KIF13A: variants seen among roughly 807,000 people sequenced by gnomAD.
The protein encoded by KIF13A is kinesin-like protein KIF13A.
A neutral mutation model predicts 212.2 loss-of-function variants in KIF13A; 79 were observed. The ratio of observed to expected loss-of-function variants is 0.37; its 90% CI spans 0.31 to 0.45. KIF13A has a LOEUF of 0.45. KIF13A is among the 20% of genes least tolerant of loss of function. KIF13A has a pLI of 1.00. For missense variants in KIF13A, 1,901 were observed against 2,209.0 expected, an observed-to-expected ratio of 0.86 and a Z score of 2.79; for synonymous variants, 789 against 808.6, an observed-to-expected ratio of 0.98 and a Z score of 0.41.
chr6:17,987,249 G>A lies in KIF13A; in HGVS notation c.56-105C>T, dbSNP rs1249624711. 15 of 958,910 alleles carry A rather than the reference G, an allele frequency of 1.6e-5. No homozygotes were observed. Among genetic ancestry groups the A allele is most frequent in the Non-Finnish European group, 1.9e-5 (14 of 726,654 alleles). 59.4% of individuals were successfully genotyped at this position (958,910 alleles called of 1,614,324 possible). Reference sequence around the variant, plus strand: ...GGGCTCCGTCCCTGGAGGCGGCCGAGCCTGGAGACGGCGCCCCGGGCACCA... The same window carrying A: ...GGGCTCCGTCCCTGGAGGCGGCCGAACCTGGAGACGGCGCCCCGGGCACCA... On this transcript the variant is annotated intron_variant, in intron 1 of 38. Transcript: ENST00000259711. This position sits in a 1 kb window ranked among gnomAD's most constrained non-coding sequence, Gnocchi z 7.7.
At chr6:17,893,933 G>A (rs1168557385) in intron 3 of KIF13A, among the ~76,000 whole-genome samples, 3 of 146,440 alleles carry the variant, frequency 2.0e-5, no homozygotes, top group Non-Finnish European at 3.0e-5. Flanking sequence ...TCTGCTTCCC[G>A]GGTTCAAGTG....
At position 17,892,764 on chromosome 6, in the gene KIF13A, A is replaced by G. The variant is rs1772180521; in HGVS notation, c.159+5404T>C. ...TCTGGGTTGCTGAACACAAGAAGGT[A>G]CTGGAAGGGCAGTACACACAGAAAG... On this transcript the variant is annotated intron_variant, in intron 3 of 38. Transcript: ENST00000259711. This position sits in a 1 kb window ranked among gnomAD's most constrained non-coding sequence, Gnocchi z 4.7. Among the ~76,000 whole-genome samples the G allele has an allele frequency of 6.6e-6, 1 of 152,208 alleles. No homozygotes were observed. Among genetic ancestry groups the G allele is most frequent in the African/African-American group, 2.4e-5 (1 of 41,446 alleles).
Position 17,886,439 on chromosome 6 carries a change from G to C in KIF13A, c.159+11729C>G, listed in dbSNP as rs989288792. Reference sequence around the variant, plus strand: ...ACTGATGAAGAGTTCACACTGCTGCGGCTGACTCGGGCCAAGTGGGAGCCA... The same window carrying C: ...ACTGATGAAGAGTTCACACTGCTGCCGCTGACTCGGGCCAAGTGGGAGCCA... On this transcript the variant is annotated intron_variant, in intron 3 of 38. Transcript: ENST00000259711. The surrounding 1 kb of genome is among the most constrained non-coding windows in gnomAD (Gnocchi z 5.6). 6.6e-6 allele frequency among the ~76,000 whole-genome samples: 1 copy of C among 152,182 alleles called. No individual in the cohort carries two copies. The highest frequency in any genetic ancestry group is 2.4e-5 in the African/African-American group (1 of 41,436).
intron 6 of KIF13A, among the ~76,000 whole-genome samples, chr6:17,852,508 C>T (rs1767752479): frequency 6.6e-6 from 1 of 152,196 alleles, no homozygotes; most frequent in Non-Finnish European, 1.5e-5. Flanking sequence ...TAGCCTCAAC[C>T]TCCCGCCCAG....
chr6:17,909,136 C>A (rs1454540058), intron 2 of KIF13A, among the ~76,000 whole-genome samples: 1 of 152,240 alleles, frequency 6.6e-6, no homozygotes, highest in Non-Finnish European at 1.5e-5. Flanking sequence ...CTCAATTATA[C>A]ACGCAAAATG....
chr6:17,859,642 T>C (rs372010866), intron 4 of KIF13A, among the ~76,000 whole-genome samples: 1 of 123,298 alleles, frequency 8.1e-6, no homozygotes, highest in East Asian at 2.0e-4. Context: ...ATATATATTT[T>C]TTTTTTTTTT....
At chr6:17,945,356 G>A (rs1336124115) in intron 2 of KIF13A, among the ~76,000 whole-genome samples, 1 of 152,162 alleles carries the variant, frequency 6.6e-6, no homozygotes, top group East Asian at 1.9e-4. Flanking sequence ...AGCCCTTGGG[G>A]ATGTTAGTAA....
intron 16 of KIF13A, among the ~76,000 whole-genome samples, chr6:17,817,663 G>A (rs1764070835): frequency 6.6e-6 from 1 of 152,124 alleles, no homozygotes; most frequent in Non-Finnish European, 1.5e-5. Context: ...TTTAATATCA[G>A]TTTTGGTATA....
chr6:17,821,998 T>G, intron 16 of KIF13A: 1 of 1,368,746 alleles, frequency 7.3e-7, no homozygotes, highest in Non-Finnish European at 9.8e-7. Context: ...AAAGGGAAGC[T>G]CCACTGGAAC....
Position 17,786,796 on chromosome 6 carries a change from G to A in KIF13A, c.3361+980C>T, listed in dbSNP as rs934353155. Among the ~76,000 whole-genome samples, 14 of 152,172 alleles carry A rather than the reference G, an allele frequency of 9.2e-5. No homozygotes were observed. Among genetic ancestry groups the A allele is most frequent in the Non-Finnish European group, 1.6e-4 (11 of 68,002 alleles). ...AGCAGCCTGAGCACACACACAAGGCGACATCACATGTTGAGCCAAGGTGTT... is the reference window on the plus strand; with the variant it reads ...AGCAGCCTGAGCACACACACAAGGCAACATCACATGTTGAGCCAAGGTGTT... On this transcript the variant is annotated intron_variant, in intron 27 of 38. Coordinates refer to ENST00000259711, the MANE Select transcript of KIF13A (RefSeq NM_022113.6). This position sits in a 1 kb window ranked among gnomAD's most constrained non-coding sequence, Gnocchi z 5.4.
chr6:17,825,137 T>C lies in KIF13A; in HGVS notation c.1786+631A>G, dbSNP rs928218908. ...ATAAAACAGCAAAAAAGGAAAGAAT[T>C]TGGTGTCTATTTTATTTAATGCAGG... On this transcript the variant is annotated intron_variant, in intron 16 of 38. Coordinates refer to ENST00000259711, the MANE Select transcript of KIF13A (RefSeq NM_022113.6). The surrounding 1 kb of genome is among the most constrained non-coding windows in gnomAD (Gnocchi z 4.5). Among the ~76,000 whole-genome samples the C allele has an allele frequency of 2.9e-4, 44 of 152,072 alleles. No individual in the cohort carries two copies. The highest frequency in any genetic ancestry group is 9.9e-4 in the African/African-American group (41 of 41,410).
In KIF13A at chr6:17,882,845, C is replaced by T. The variant is rs749568132; in HGVS notation, c.160-9408G>A. ...CCAAAGTGCTGGGATTAAAGGCGTGCGGCACGGCACCCGGCCTGCTTATAA... is the reference window on the plus strand; with the variant it reads ...CCAAAGTGCTGGGATTAAAGGCGTGTGGCACGGCACCCGGCCTGCTTATAA... On this transcript the variant is annotated intron_variant, in intron 3 of 38. Transcript: ENST00000259711. Among the ~76,000 whole-genome samples the T allele has an allele frequency of 9.2e-5, 14 of 152,174 alleles. No individual in the cohort carries two copies. The East Asian group carries it at 1.4e-3, about 15-fold the overall frequency.
In KIF13A at chr6:17,796,672, T is replaced by C; in HGVS notation, c.2939A>G (p.Asp980Gly). The part of the protein sequence containing the change: ...SLHAKTRTLH[D>G]RWNEVTRRIE... The stretch of plus-strand genomic sequence containing the variant: ...AAGCTCACAGCCAAGTACAAACCTG[T>C]CATGCAGTGTTCTTGTCTTAGCATG... Residue 980 changes from aspartate (D) to glycine (G), a missense_variant, in exon 23 of 39, where the codon GAC becomes GGC. Asp to Gly is a moderately conservative substitution (Grantham distance 94). This residue lies in a region of KIF13A where 534 missense variants were observed against 536.9 expected (regional missense o/e 0.99). Transcript: ENST00000259711. 6.5e-7 allele frequency: 1 copy of C among 1,533,986 alleles called. No homozygotes were observed. The highest frequency in any genetic ancestry group is 8.8e-7 in the Non-Finnish European group (1 of 1,136,670).
At chr6:17,845,535 A>AAAC in intron 9 of KIF13A, among the ~76,000 whole-genome samples, 1 of 152,214 alleles carries the variant, frequency 6.6e-6, no homozygotes, top group Admixed American at 6.5e-5. Flanking sequence ...CCCATTAGAT[A>AAAC]AACATTGTTT....
Position 17,855,420 on chromosome 6 carries a change from C to CT in KIF13A, c.494+16dup, listed in dbSNP as rs1327730685. On this transcript the variant is annotated intron_variant, in intron 6 of 38. Transcript: ENST00000259711. The surrounding 1 kb of genome is among the most constrained non-coding windows in gnomAD (Gnocchi z 4.1). Reference sequence around the variant, plus strand: ...ATCTCCCCCTATTAACACACTTAATCTTGACCACTAACTTACCCTTTGGGG... The same window carrying CT: ...ATCTCCCCCTATTAACACACTTAATCTTTGACCACTAACTTACCCTTTGGGG... The CT allele has an allele frequency of 1.9e-6, 3 of 1,584,784 alleles. No individual in the cohort carries two copies. Among genetic ancestry groups the CT allele is most frequent in the Admixed American group, 3.6e-5 (2 of 55,442 alleles).
rs778595043 is a variant in KIF13A, at chr6:17,771,951, T to C, written c.4433A>G (p.Lys1478Arg). 4.3e-6 allele frequency: 7 copies of C among 1,614,014 alleles called. No individual in the cohort carries two copies. In the East Asian group the frequency reaches 1.3e-4, roughly 31 times the overall value. Residue 1478 changes from lysine (K) to arginine (R), a missense_variant, in exon 37 of 39, where the codon AAG becomes AGG. Lys to Arg is a conservative substitution (Grantham distance 26). Around this residue, in one of 5 missense-constraint regions of KIF13A, gnomAD observed 687 missense variants for 759.1 expected, o/e 0.90. Coordinates refer to ENST00000259711, the MANE Select transcript of KIF13A (RefSeq NM_022113.6). The surrounding 1 kb of genome is among the most constrained non-coding windows in gnomAD (Gnocchi z 5.4). The part of the protein sequence containing the change: ...KPLMPVKEEH[K>R]KRIALEARPL... ...CCTTGCTTCCAGGGCTATCCTTTTC[T>C]TATGCTCCTCTTTTACAGGCATTAG...
intron 4 of KIF13A, among the ~76,000 whole-genome samples, chr6:17,857,762 G>A (rs1300572757): frequency 6.6e-6 from 1 of 152,088 alleles, no homozygotes; most frequent in Non-Finnish European, 1.5e-5. Context: ...CTATAAAAGG[G>A]AATATGCCTA....
At chr6:17,784,264 AC>A (rs970029312) in intron 28 of KIF13A, among the ~76,000 whole-genome samples, 1 of 152,122 alleles carries the variant, frequency 6.6e-6, no homozygotes, top group African/African-American at 2.4e-5. Flanking sequence ...ATAAAAAAAA[AC>A]AAAAAAACAC....
rs1562060583 is a variant in KIF13A at position 17,855,565 on chromosome 6, A to T, written c.366T>A (p.Ile122=). The change falls in exon 6 of 39, where the codon ATT becomes ATA. Residue 122 remains isoleucine, a synonymous_variant. Transcript: ENST00000259711. The surrounding 1 kb of genome is among the most constrained non-coding windows in gnomAD (Gnocchi z 4.1). ...MMGHAEQLGL[I]PRLCCALFKR... ...TAAATAAAGCACAGCAGAGCCTTGG[A>T]ATAAGGCCCAGCTGCTCAGCATGGC... 6.2e-7 allele frequency: 1 copy of T among 1,613,604 alleles called. No homozygotes were observed. The highest frequency in any genetic ancestry group is 8.5e-7 in the Non-Finnish European group (1 of 1,179,722).
Sources: allele counts gnomAD v4.1 joint callset (sites outside exome capture counted in the v4.1 genomes callset), GRCh38; gene constraint gnomAD v4.1.1; regional missense constraint gnomAD v4.1.1; non-coding constraint Gnocchi (gnomAD v3.1); transcripts MANE v1.5; gene names NCBI Gene and HGNC (gene_info 2026-07-23, HGNC 2026-07-21).